Variants in STK32B observed in about 807,000 individuals in gnomAD.
STK32B encodes serine/threonine kinase 32B.
A neutral mutation model predicts 52.6 loss-of-function variants in STK32B; 43 were observed. The observed-to-expected ratio is 0.82, with a 90% CI of 0.64 to 1.05. The LOEUF is 1.05. Among genes scored for constraint, STK32B ranks in the 50% least tolerant of loss-of-function variants. The probability of loss-of-function intolerance (pLI) is 0.00; values close to 1 mark genes in which losing one functional copy is unlikely to be tolerated. For synonymous variants in STK32B, 238 were observed against 204.3 expected, an observed-to-expected ratio of 1.17 and a Z score of -1.41; for missense variants, 621 against 534.6, an observed-to-expected ratio of 1.16 and a Z score of -1.59.
intron 4 of STK32B, among the ~76,000 whole-genome samples, chr4:5,333,137 C>G (rs1323938932): frequency 2.0e-5 from 3 of 151,988 alleles, no homozygotes; most frequent in Admixed American, 2.0e-4. Flanking sequence ...TCCTATTTCT[C>G]CACATCCTCT....
upstream of STK32B, among the ~76,000 whole-genome samples, chr4:5,050,437 T>C (rs1192088391): frequency 6.6e-6 from 1 of 152,092 alleles, no homozygotes; most frequent in Non-Finnish European, 1.5e-5. Flanking sequence ...TTTTGTTTTG[T>C]TTCTGTATGA....
chr4:5,378,349 G>C lies in STK32B; in HGVS notation c.435-19858G>C, dbSNP rs1197711221. Among the ~76,000 whole-genome samples, 1 of 152,226 alleles carries C rather than the reference G, an allele frequency of 6.6e-6. No individual in the cohort carries two copies. Among genetic ancestry groups the C allele is most frequent in the Non-Finnish European group, 1.5e-5 (1 of 68,038 alleles). On this transcript the variant is annotated intron_variant, in intron 4 of 11. Transcript: ENST00000282908. This position sits in a 1 kb window ranked among gnomAD's most constrained non-coding sequence, Gnocchi z 4.4. ...CCATCACTTGGATCTGCAAAAGGCA[G>C]ACCAGTAGCCAAGCTCCTAGAGATT...
At chr4:5,484,749 G>T (rs1365998214) in intron 11 of STK32B, among the ~76,000 whole-genome samples, 1 of 152,254 alleles carries the variant, frequency 6.6e-6, no homozygotes, top group South Asian at 2.1e-4. Flanking sequence ...TCCATGTTTA[G>T]TGCTTGCTTC....
chr4:5,472,856 T>G (rs1312915112), intron 11 of STK32B, among the ~76,000 whole-genome samples: 1 of 152,178 alleles, frequency 6.6e-6, no homozygotes, highest in African/African-American at 2.4e-5. Flanking sequence ...CTAGGGTTTC[T>G]CAACCTTGGC....
intron 3 of STK32B, among the ~76,000 whole-genome samples, chr4:5,245,081 A>G (rs1206307073): frequency 2.6e-5 from 4 of 152,154 alleles, no homozygotes; most frequent in Non-Finnish European, 4.4e-5. Flanking sequence ...GTAGATGTCT[A>G]TTAGGTCCGC....
In STK32B at chr4:5,171,673, G is replaced by C. The variant is rs1007491576; in HGVS notation, c.260+3223G>C. On this transcript the variant is annotated intron_variant, in intron 3 of 11. Transcript: ENST00000282908. ...TTCTGTTCCATTGGTCTGTATCTCT[G>C]TTTTGGTACCAGTTGCATTCTGTCT... Among the ~76,000 whole-genome samples the C allele has an allele frequency of 2.7e-5, 4 of 145,648 alleles. 1 individual carries two copies. The South Asian group carries it at 8.9e-4, about 33-fold the overall frequency.
At chr4:5,250,310 CTTTTTTTTTT>C (rs143911318) in intron 3 of STK32B, among the ~76,000 whole-genome samples, 3 of 119,254 alleles carry the variant, frequency 2.5e-5, no homozygotes, top group South Asian at 5.3e-4. Context: ...GTTTTAAGTT[CTTTTTTTTTT>C]TTTTTTTTTT....
At chr4:5,206,081 C>G (rs1378850129) in intron 3 of STK32B, among the ~76,000 whole-genome samples, 2 of 152,204 alleles carry the variant, frequency 1.3e-5, no homozygotes, top group Non-Finnish European at 2.9e-5. Flanking sequence ...CAGATTTGGT[C>G]TAGAGTGTCC....
At chr4:5,123,158 A>C (rs1390356701) in intron 1 of STK32B, among the ~76,000 whole-genome samples, 1 of 151,988 alleles carries the variant, frequency 6.6e-6, no homozygotes, top group Non-Finnish European at 1.5e-5. Flanking sequence ...CTTGCTGTCC[A>C]TGTGTCACTC....
In STK32B at chr4:5,163,391, G is replaced by A. The variant is rs189166157; in HGVS notation, c.109-4908G>A. On this transcript the variant is annotated intron_variant, in intron 2 of 11. Coordinates refer to ENST00000282908, the MANE Select transcript of STK32B (RefSeq NM_018401.3). ...ATGGCAGCTTAGTGGGAAGGGCACC[G>A]CATACAGCTTCAAGGATTAAAGGGA... 1.3e-4 allele frequency among the ~76,000 whole-genome samples: 20 copies of A among 152,260 alleles called. No homozygotes were observed. The East Asian group carries it at 1.7e-3, about 13-fold the overall frequency.
In STK32B at chr4:5,119,923, G is replaced by A. The variant is rs139358919; in HGVS notation, c.53-19982G>A. Among the ~76,000 whole-genome samples, 678 of 152,170 alleles carry A rather than the reference G, an allele frequency of 4.5e-3. 4 individuals are homozygous for A. The highest frequency in any genetic ancestry group is 0.015 in the African/African-American group (629 of 41,522). ...ATATGCAATCTACGCATAGGCATTCGGGACTCAAGTACATTAGTCCCCCTT... is the reference window on the plus strand; with the variant it reads ...ATATGCAATCTACGCATAGGCATTCAGGACTCAAGTACATTAGTCCCCCTT... On this transcript the variant is annotated intron_variant, in intron 1 of 11. Transcript: ENST00000282908.
upstream of STK32B, among the ~76,000 whole-genome samples, chr4:5,048,270 C>A (rs1342360335): frequency 6.6e-6 from 1 of 151,144 alleles, no homozygotes; most frequent in Non-Finnish European, 1.5e-5. Context: ...GCTGGGATTA[C>A]AGGCACATAC....
At chr4:5,457,231 T>A (rs1455286441) in intron 8 of STK32B, among the ~76,000 whole-genome samples, 36 of 146,408 alleles carry the variant, frequency 2.5e-4, no homozygotes, top group African/African-American at 7.7e-4. Flanking sequence ...TTTTTTTTTT[T>A]AATATACGGA....
At chr4:5,275,519 C>T (rs1449134240) in intron 3 of STK32B, among the ~76,000 whole-genome samples, 3 of 152,040 alleles carry the variant, frequency 2.0e-5, no homozygotes, top group Admixed American at 6.6e-5. Context: ...CTTTCGGGAT[C>T]GTTTCCCGTC....
At chr4:5,264,804 G>T (rs183579222) in intron 3 of STK32B, among the ~76,000 whole-genome samples, 4 of 150,438 alleles carry the variant, frequency 2.7e-5, no homozygotes, top group African/African-American at 9.9e-5. Flanking sequence ...AAAAAAAATT[G>T]TTGTGTTATA....
chr4:5,143,119 CTGT>C (rs1716618880), intron 2 of STK32B, among the ~76,000 whole-genome samples: 1 of 149,088 alleles, frequency 6.7e-6, no homozygotes, highest in South Asian at 2.3e-4. Context: ...GTCTGTCTGT[CTGT>C]CTGTCTGTCT....
chr4:5,421,257 T>A (rs984946514), intron 6 of STK32B, among the ~76,000 whole-genome samples: 1 of 151,100 alleles, frequency 6.6e-6, no homozygotes, highest in Non-Finnish European at 1.5e-5. Flanking sequence ...GCCTGGCTAT[T>A]TTTTTTGTAT....
chr4:5,351,330 G>T (rs1487412248), intron 4 of STK32B, among the ~76,000 whole-genome samples: 4 of 151,960 alleles, frequency 2.6e-5, no homozygotes, highest in Non-Finnish European at 5.9e-5. Flanking sequence ...CTATACAAAT[G>T]CATGGAAATT....
At chr4:5,078,707 C>A (rs1360398190) in intron 1 of STK32B, among the ~76,000 whole-genome samples, 3 of 152,160 alleles carry the variant, frequency 2.0e-5, no homozygotes, top group Non-Finnish European at 4.4e-5. Context: ...ACCTGCTTCC[C>A]AAGTCAAGGT....
Sources: allele counts gnomAD v4.1 joint callset (sites outside exome capture counted in the v4.1 genomes callset), GRCh38; gene constraint gnomAD v4.1.1; non-coding constraint Gnocchi (gnomAD v3.1); transcripts MANE v1.5; gene names NCBI Gene and HGNC (gene_info 2026-07-23, HGNC 2026-07-21).